The following FRMD5 variants were observed in gnomAD, a reference collection of about 807,000 sequenced individuals.
FRMD5 encodes FERM domain-containing protein 5.
Under a neutral mutation model 69.0 loss-of-function variants are expected in FRMD5, and 20 were observed. The observed-to-expected ratio is 0.29, with a 90% CI of 0.20 to 0.42. FRMD5 has a LOEUF of 0.42. Among genes scored for constraint, FRMD5 ranks in the 10% least tolerant of loss-of-function variants. The probability of loss-of-function intolerance (pLI) is 1.00; values close to 1 mark genes in which losing one functional copy is unlikely to be tolerated. For synonymous variants in FRMD5, 271 were observed against 260.1 expected, an observed-to-expected ratio of 1.04 and a Z score of -0.40; for missense variants, 595 against 708.6, an observed-to-expected ratio of 0.84 and a Z score of 1.82.
At chr15:44,111,226 C>T (rs1595475297) in intron 1 of FRMD5, among the ~76,000 whole-genome samples, 1 of 152,234 alleles carries the variant, frequency 6.6e-6, no homozygotes, top group East Asian at 1.9e-4. Flanking sequence ...TCTGGCCTTC[C>T]ATCTGCAACA....
At chr15:43,936,638 G>C (rs943411045) in intron 1 of FRMD5, among the ~76,000 whole-genome samples, 1 of 151,862 alleles carries the variant, frequency 6.6e-6, no homozygotes, top group Non-Finnish European at 1.5e-5. Flanking sequence ...GGTATTCCTG[G>C]AGATGGTATC....
At chr15:43,989,379 C>T (rs1889557632) in intron 1 of FRMD5, 3 of 785,422 alleles carry the variant, frequency 3.8e-6, no homozygotes, top group African/African-American at 1.7e-5. Flanking sequence ...CGCGGGATTC[C>T]ATGCCCAGGA....
chr15:44,188,606 T>C (rs896582582), intron 1 of FRMD5, among the ~76,000 whole-genome samples: 4 of 152,224 alleles, frequency 2.6e-5, no homozygotes, highest in African/African-American at 9.6e-5. Flanking sequence ...CCAGGTGATA[T>C]GGATAATGCC....
intron 1 of FRMD5, among the ~76,000 whole-genome samples, chr15:43,941,308 G>A (rs551771720): frequency 6.6e-6 from 1 of 152,286 alleles, no homozygotes; most frequent in South Asian, 2.1e-4. Context: ...TTGGGGTGTA[G>A]TGACTGATCA....
intron 7 of FRMD5, among the ~76,000 whole-genome samples, chr15:43,894,751 G>C (rs2088874965): frequency 6.6e-6 from 1 of 152,140 alleles, no homozygotes; most frequent in South Asian, 2.1e-4. Context: ...AGGCAGAAGA[G>C]CACCCCCACT....
chr15:44,039,050 C>T (rs1049370250), intron 1 of FRMD5, among the ~76,000 whole-genome samples: 1 of 152,228 alleles, frequency 6.6e-6, no homozygotes, highest in African/African-American at 2.4e-5. Flanking sequence ...TTTGCCCTCA[C>T]AGTGTAAACA....
chr15:43,907,318 A>G (rs2089197628), intron 5 of FRMD5, among the ~76,000 whole-genome samples: 1 of 152,198 alleles, frequency 6.6e-6, no homozygotes, highest in Non-Finnish European at 1.5e-5. Flanking sequence ...TTACTTGGGA[A>G]CTTCTACTGT....
At position 43,892,820 on chromosome 15, in the gene FRMD5, A is replaced by G. The variant is rs2088824134; in HGVS notation, c.640-751T>C. On this transcript the variant is annotated intron_variant, in intron 7 of 13. Coordinates refer to ENST00000417257, the MANE Select transcript of FRMD5 (RefSeq NM_032892.5). ...AATTGTACACTTTAAAAGGGCACATATCGCCAGGAGCAGTGGCTCGTGCTT... is the reference window on the plus strand; with the variant it reads ...AATTGTACACTTTAAAAGGGCACATGTCGCCAGGAGCAGTGGCTCGTGCTT... Among the ~76,000 whole-genome samples the G allele has an allele frequency of 1.3e-5, 2 of 152,252 alleles. 1 individual carries two copies. The highest frequency in any genetic ancestry group is 1.3e-4 in the Admixed American group (2 of 15,290).
intron 1 of FRMD5, among the ~76,000 whole-genome samples, chr15:43,953,540 T>G (rs1053880114): frequency 6.6e-6 from 1 of 152,258 alleles, no homozygotes; most frequent in Non-Finnish European, 1.5e-5. Context: ...ATTGTAGACA[T>G]TGTTCTTTAC....
At chr15:44,126,452 C>T (rs1213515177) in intron 1 of FRMD5, among the ~76,000 whole-genome samples, 1 of 152,128 alleles carries the variant, frequency 6.6e-6, no homozygotes, top group Non-Finnish European at 1.5e-5. Context: ...CTGTGTTATG[C>T]CAGTTTTAGA....
chr15:44,042,941 G>A (rs1892265121), intron 1 of FRMD5, among the ~76,000 whole-genome samples: 1 of 152,204 alleles, frequency 6.6e-6, no homozygotes, highest in Non-Finnish European at 1.5e-5. Flanking sequence ...AATCAGGCAA[G>A]AGAAAGAAAT....
At chr15:44,112,404 T>A (rs2076809437) in intron 1 of FRMD5, among the ~76,000 whole-genome samples, 1 of 151,960 alleles carries the variant, frequency 6.6e-6, no homozygotes, top group East Asian at 1.9e-4. Flanking sequence ...TTCTAATTTT[T>A]AAAAAATACT....
intron 6 of FRMD5, among the ~76,000 whole-genome samples, chr15:43,903,296 T>G (rs1272911613): frequency 6.6e-6 from 1 of 152,176 alleles, no homozygotes; most frequent in African/African-American, 2.4e-5. Context: ...TGCACGTTGC[T>G]CGTTTCTAAG....
At position 43,933,482 on chromosome 15, in the gene FRMD5, C is replaced by T. The variant is rs1486065786; in HGVS notation, c.103-9173G>A. Among the ~76,000 whole-genome samples, 6 of 152,148 alleles carry T rather than the reference C, an allele frequency of 3.9e-5. No individual in the cohort carries two copies. The South Asian group carries it at 1.0e-3, about 26-fold the overall frequency. ...GGAATTGGCATTTCTAACAAGTTCCCAGGTGATGCTGCTGTTGCTGGTCTG... is the reference window on the plus strand; with the variant it reads ...GGAATTGGCATTTCTAACAAGTTCCTAGGTGATGCTGCTGTTGCTGGTCTG... On this transcript the variant is annotated intron_variant, in intron 1 of 13. Transcript: ENST00000417257.
In FRMD5 at chr15:43,890,112, TTCCCTCTCAAAC is replaced by T. The variant is rs376404384; in HGVS notation, c.729-1252_729-1241del. 2.5e-3 allele frequency among the ~76,000 whole-genome samples: 385 copies of T among 152,292 alleles called. 3 individuals are homozygous for T. Among genetic ancestry groups the T allele is most frequent in the African/African-American group, 8.7e-3 (362 of 41,548 alleles). On this transcript the variant is annotated intron_variant, in intron 8 of 13. Coordinates refer to ENST00000417257, the MANE Select transcript of FRMD5 (RefSeq NM_032892.5). ...CACACGGTATTCCTTCCCTGTTTGATTCCCTCTCAAACTCCCTCTCAATCAACCATCAATCTC... is the reference window on the plus strand; with the variant it reads ...CACACGGTATTCCTTCCCTGTTTGATTCCCTCTCAATCAACCATCAATCTC...
intron 1 of FRMD5, among the ~76,000 whole-genome samples, chr15:44,006,653 C>T (rs1890463609): frequency 6.6e-6 from 1 of 152,016 alleles, no homozygotes; most frequent in Non-Finnish European, 1.5e-5. Flanking sequence ...AAGTTGATTC[C>T]AACCCTTGAT....
chr15:44,006,936 T>A (rs561629627), intron 1 of FRMD5, among the ~76,000 whole-genome samples: 1 of 152,280 alleles, frequency 6.6e-6, no homozygotes, highest in African/African-American at 2.4e-5. Flanking sequence ...TTGAAAGAAG[T>A]TCTACTGTGG....
chr15:44,143,303 T>C (rs1485548684), intron 1 of FRMD5, among the ~76,000 whole-genome samples: 1 of 152,048 alleles, frequency 6.6e-6, no homozygotes, highest in Non-Finnish European at 1.5e-5. Context: ...GTTCCTCATT[T>C]GATCTTCCTG....
At chr15:43,939,453 A>G (rs1453775092) in intron 1 of FRMD5, among the ~76,000 whole-genome samples, 1 of 152,226 alleles carries the variant, frequency 6.6e-6, no homozygotes. Context: ...CTCAGTAAAA[A>G]GATGCACCAT....
Sources: allele counts gnomAD v4.1 joint callset (sites outside exome capture counted in the v4.1 genomes callset), GRCh38; gene constraint gnomAD v4.1.1; transcripts MANE v1.5; gene names NCBI Gene and HGNC (gene_info 2026-07-23, HGNC 2026-07-21).